WWP1: variants seen among roughly 807,000 people sequenced by gnomAD.
The protein encoded by WWP1 is WW domain containing E3 ubiquitin protein ligase 1, also known as NEDD4-like E3 ubiquitin-protein ligase WWP1.
In WWP1, 49 loss-of-function variants were observed where a neutral mutation model predicts 130.6. The observed-to-expected ratio is 0.38, with a 90% CI of 0.30 to 0.48. WWP1 has a LOEUF of 0.48. Ranked by LOEUF, WWP1 falls within the 20% of genes least tolerant of loss-of-function variation. The probability of loss-of-function intolerance (pLI) is 0.99; values close to 1 mark genes in which losing one functional copy is unlikely to be tolerated. For synonymous variants in WWP1, 332 were observed against 367.8 expected (o/e 0.90, Z 1.11); for missense variants, 809 against 1,100.6 (o/e 0.74, Z 3.75).
intron 14 of WWP1, among the ~76,000 whole-genome samples, chr8:86,432,550 C>A (rs202016012): frequency 2.3e-4 from 34 of 145,270 alleles, no homozygotes; most frequent in Non-Finnish European, 2.1e-4. Context: ...AAAAAAAAAG[C>A]AAAAAAAAAA....
At chr8:86,425,137 T>G (rs1489331907) in intron 9 of WWP1, 86 bp from the exon 10 acceptor site, 2 of 1,000,730 alleles carry the variant, frequency 2.0e-6, no homozygotes, top group African/African-American at 3.3e-5. Flanking sequence ...AGCTTATCTG[T>G]AATTTTTCTG....
chr8:86,418,134 C>T (rs1345941188), intron 9 of WWP1, among the ~76,000 whole-genome samples: 1 of 152,150 alleles, frequency 6.6e-6, no homozygotes, highest in Non-Finnish European at 1.5e-5. Context: ...CATATTTCCA[C>T]ATCAGTACAA....
intron 22 of WWP1, 114 bp downstream of exon 22, chr8:86,458,139 A>T: frequency 1.3e-6 from 1 of 797,078 alleles, no homozygotes; most frequent in Non-Finnish European, 1.9e-6. Context: ...CACAGTTTAT[A>T]ATTTTTTAAT....
intron 21 of WWP1, among the ~76,000 whole-genome samples, chr8:86,453,209 G>A (rs951589475): frequency 2.0e-5 from 3 of 151,906 alleles, no homozygotes; most frequent in African/African-American, 7.3e-5. Flanking sequence ...CTTTTCCCCA[G>A]CCCCTGGCAA....
At position 86,448,166 on chromosome 8, in the gene WWP1, T is replaced by A. The variant is rs1810986572; in HGVS notation, c.2017T>A (p.Phe673Ile). The change falls in exon 19 of 25, where the codon TTT becomes ATT. Residue 673 changes from phenylalanine to isoleucine, a missense_variant. By Grantham distance (21) the Phe-to-Ile change is conservative. Coordinates refer to ENST00000517970, the MANE Select transcript of WWP1 (RefSeq NM_007013.4). ...TTTGCAGGCACTATTTCATGGAAAG[T>A]TTATCGATACTGGTTTCTCTTTACC... The part of the protein sequence containing the change: ...FIAMALFHGK[F>I]IDTGFSLPFY... 3.9e-6 allele frequency: 6 copies of A among 1,558,294 alleles called. No homozygotes were observed. The highest frequency in any genetic ancestry group is 4.7e-5 in the Admixed American group (2 of 42,176).
At chr8:86,425,860 C>T (rs1016308624) in intron 10 of WWP1, among the ~76,000 whole-genome samples, 1 of 152,176 alleles carries the variant, frequency 6.6e-6, no homozygotes, top group Non-Finnish European at 1.5e-5. Context: ...AACGAGTCTT[C>T]CTTTACCTTT....
intron 1 of WWP1, among the ~76,000 whole-genome samples, chr8:86,364,499 A>G (rs773425058): frequency 9.2e-5 from 14 of 152,224 alleles, no homozygotes; most frequent in Non-Finnish European, 1.9e-4. Flanking sequence ...GTAAAGCAGA[A>G]GAGTTTTCTG....
intron 5 of WWP1, among the ~76,000 whole-genome samples, chr8:86,394,826 A>G (rs1807561317): frequency 6.6e-6 from 1 of 151,938 alleles, no homozygotes; most frequent in South Asian, 2.1e-4. Context: ...GAATTGTGAA[A>G]TAATATATAC....
chr8:86,364,857 G>C (rs978706743), intron 1 of WWP1, among the ~76,000 whole-genome samples: 1 of 150,886 alleles, frequency 6.6e-6, no homozygotes, highest in African/African-American at 2.4e-5. Context: ...GAGAGAGAGA[G>C]AAAGAAGAAA....
chr8:86,448,091 C>A, intron 18 of WWP1, 57 bp from the exon 19 acceptor site: 1 of 1,422,996 alleles, frequency 7.0e-7, no homozygotes, highest in Non-Finnish European at 9.4e-7. Context: ...TATCATTGTT[C>A]TCTAAGAAAT....
chr8:86,397,800 G>A (rs1174940763), intron 5 of WWP1, among the ~76,000 whole-genome samples: 1 of 152,152 alleles, frequency 6.6e-6, no homozygotes, highest in Non-Finnish European at 1.5e-5. Context: ...ACAATATGTA[G>A]CATTTATCGA....
At chr8:86,364,785 G>A (rs889428721) in intron 1 of WWP1, among the ~76,000 whole-genome samples, 1 of 148,792 alleles carries the variant, frequency 6.7e-6, no homozygotes, top group African/African-American at 2.5e-5. Context: ...TATCCTGGGC[G>A]ACAAAAGTGA....
chr8:86,359,019 A>C (rs904519312), intron 1 of WWP1, among the ~76,000 whole-genome samples: 5 of 152,214 alleles, frequency 3.3e-5, no homozygotes, highest in African/African-American at 1.2e-4. Context: ...AGTGGGAGAA[A>C]CATGTGGGAA....
chr8:86,424,216 G>A (rs1809444790), intron 9 of WWP1, among the ~76,000 whole-genome samples: 2 of 150,780 alleles, frequency 1.3e-5, no homozygotes, highest in South Asian at 2.1e-4. Flanking sequence ...GGGGCGGCGG[G>A]GCAGAGGCGC....
At chr8:86,413,972 G>C (rs1357496797) in intron 9 of WWP1, among the ~76,000 whole-genome samples, 3 of 152,150 alleles carry the variant, frequency 2.0e-5, no homozygotes, top group Non-Finnish European at 1.5e-5. Flanking sequence ...GTTCAAAACA[G>C]TAAGTACATA....
chr8:86,423,331 G>A (rs1319581949), intron 9 of WWP1, among the ~76,000 whole-genome samples: 4 of 152,108 alleles, frequency 2.6e-5, no homozygotes, highest in African/African-American at 9.7e-5. Context: ...ATAAACAAGT[G>A]AACAAAGGTC....
At chr8:86,390,903 C>T (rs1807295608) in intron 5 of WWP1, among the ~76,000 whole-genome samples, 1 of 151,946 alleles carries the variant, frequency 6.6e-6, no homozygotes. Context: ...GTTAAGGCTC[C>T]CTATTGTTTT....
intron 1 of WWP1, among the ~76,000 whole-genome samples, chr8:86,359,506 C>T (rs1012355115): frequency 2.6e-5 from 4 of 152,056 alleles, no homozygotes; most frequent in Non-Finnish European, 4.4e-5. Context: ...ATTCCCAGTG[C>T]CCCAAAGAGT....
chr8:86,378,105 A>C (rs1204802218), intron 3 of WWP1, among the ~76,000 whole-genome samples: 1 of 152,102 alleles, frequency 6.6e-6, no homozygotes, highest in Non-Finnish European at 1.5e-5. Context: ...ATATTTTGAG[A>C]AATTTCCTTT....
Sources: gnomAD v4.1 joint callset for allele counts (sites outside exome capture counted in the v4.1 genomes callset) on GRCh38, gnomAD v4.1.1 for gene constraint, MANE v1.5 for transcripts, NCBI Gene and HGNC (gene_info 2026-07-23, HGNC 2026-07-21) for gene names.